Variants in SRRM4 observed in about 807,000 individuals in gnomAD.
SRRM4 encodes serine/arginine repetitive matrix protein 4.
A neutral mutation model predicts 68.9 loss-of-function variants in SRRM4; 33 were observed. The ratio of observed to expected loss-of-function variants is 0.48; its 90% CI spans 0.36 to 0.64. SRRM4 has a LOEUF of 0.64. SRRM4 is among the 30% of genes least tolerant of loss of function. The pLI is 0.00. For missense variants in SRRM4, 817 were observed against 827.1 expected (o/e 0.99, Z 0.15); for synonymous variants, 318 against 318.8 (o/e 1.00, Z 0.03).
chr12:119,021,669 T>C (rs543998621), intron 1 of SRRM4, among the ~76,000 whole-genome samples: 30 of 152,254 alleles, frequency 2.0e-4, no homozygotes, highest in African/African-American at 7.2e-4. Context: ...TTAGCAGAAA[T>C]AGATGTGCTT....
intron 1 of SRRM4, among the ~76,000 whole-genome samples, chr12:119,037,155 G>A (rs1192391723): frequency 6.6e-6 from 1 of 152,060 alleles, no homozygotes; most frequent in Non-Finnish European, 1.5e-5. Context: ...GGGTGGGTGG[G>A]TCTTGGTTTG....
At chr12:119,096,663 T>C (rs1025605438) in intron 1 of SRRM4, among the ~76,000 whole-genome samples, 2 of 152,226 alleles carry the variant, frequency 1.3e-5, no homozygotes, top group African/African-American at 4.8e-5. Context: ...GGGCCTCCCT[T>C]TCTCCACTCT....
chr12:119,130,634 G>A, intron 7 of SRRM4, 44 bp from the exon 8 acceptor site: 2 of 1,580,604 alleles, frequency 1.3e-6, no homozygotes, highest in Non-Finnish European at 8.6e-7. Flanking sequence ...TCCCTACCAT[G>A]CTCCCCTTCA....
chr12:119,035,141 A>T (rs1306349508), intron 1 of SRRM4, among the ~76,000 whole-genome samples: 1 of 151,874 alleles, frequency 6.6e-6, no homozygotes, highest in South Asian at 2.1e-4. Context: ...CCTTGCATTT[A>T]AAAAAAATTG....
intron 7 of SRRM4, among the ~76,000 whole-genome samples, chr12:119,126,898 T>C (rs991569969): frequency 6.7e-6 from 1 of 150,220 alleles, no homozygotes; most frequent in African/African-American, 2.5e-5. Context: ...GATGAGTTCA[T>C]GTCCTTTGTA....
intron 1 of SRRM4, among the ~76,000 whole-genome samples, chr12:119,011,557 T>C (rs943246221): frequency 3.3e-5 from 5 of 152,176 alleles, no homozygotes; most frequent in African/African-American, 1.2e-4. Flanking sequence ...CAGAAAAATC[T>C]GAAATGCTGA....
At chr12:119,049,746 C>T (rs969352874) in intron 1 of SRRM4, among the ~76,000 whole-genome samples, 2 of 152,142 alleles carry the variant, frequency 1.3e-5, no homozygotes, top group East Asian at 1.9e-4. Context: ...AAGGTGTCAG[C>T]AGGTTTGGTT....
chr12:119,087,182 C>G (rs1953984328), intron 1 of SRRM4, among the ~76,000 whole-genome samples: 2 of 152,178 alleles, frequency 1.3e-5, no homozygotes, highest in Non-Finnish European at 2.9e-5. Flanking sequence ...ATCATTGTAC[C>G]AGCCTCTAAT....
intron 1 of SRRM4, among the ~76,000 whole-genome samples, chr12:118,988,981 T>A (rs2135988393): frequency 1.3e-5 from 2 of 152,246 alleles, no homozygotes; most frequent in Middle Eastern, 6.8e-3. Flanking sequence ...GGATGCTTGG[T>A]GTATTTGAGA....
At chr12:119,075,929 G>A (rs147554891) in intron 1 of SRRM4, among the ~76,000 whole-genome samples, 15 of 77,826 alleles carry the variant, frequency 1.9e-4, no homozygotes, top group African/African-American at 5.4e-4. Flanking sequence ...GATGATGGTG[G>A]TGATGGTGAT....
At chr12:119,052,517 GTTGTT>G (rs147787123) in intron 1 of SRRM4, among the ~76,000 whole-genome samples, 5,669 of 151,912 alleles carry the variant, frequency 0.037, 192 homozygotes, top group East Asian at 0.12. Context: ...TGTTGTTGTT[GTTGTT>G]TTGTTTGTTT....
chr12:119,125,488 T>C lies in SRRM4; in HGVS notation c.614+9T>C, dbSNP rs773292153. ...TCAAGCTGTGAGAGCAGGTAACCCC[T>C]TGCCCCAGGATCCTCTTCTGTCAGC... is the stretch of plus-strand genomic sequence containing the variant. On this transcript the variant is annotated intron_variant, in intron 7 of 12. Transcript: ENST00000267260. 389 of 1,598,724 alleles carry C rather than the reference T, an allele frequency of 2.4e-4. 1 individual carries two copies. The highest frequency in any genetic ancestry group is 3.2e-4 in the Non-Finnish European group (371 of 1,170,822).
intron 4 of SRRM4, among the ~76,000 whole-genome samples, chr12:119,119,719 G>C (rs1236718502): frequency 6.6e-6 from 1 of 152,168 alleles, no homozygotes; most frequent in Non-Finnish European, 1.5e-5. Context: ...AGTTCCACAT[G>C]TGGAAGCTGG....
At chr12:119,151,729 C>A (rs1163488839) in intron 10 of SRRM4, among the ~76,000 whole-genome samples, 1 of 152,074 alleles carries the variant, frequency 6.6e-6, no homozygotes, top group Non-Finnish European at 1.5e-5. Flanking sequence ...GTTTGAAAGA[C>A]CCCAGCTGAC....
intron 2 of SRRM4, among the ~76,000 whole-genome samples, chr12:119,106,437 A>G (rs1403363274): frequency 6.6e-6 from 1 of 152,080 alleles, no homozygotes; most frequent in Non-Finnish European, 1.5e-5. Context: ...CTTCCTATCC[A>G]TGAGCATGGA....
chr12:119,069,914 T>C (rs1267862389), intron 1 of SRRM4, among the ~76,000 whole-genome samples: 1 of 152,028 alleles, frequency 6.6e-6, no homozygotes, highest in Non-Finnish European at 1.5e-5. Flanking sequence ...CAAAATTAAA[T>C]ACCTACCAGG....
chr12:119,123,187 T>C (rs113442727), intron 6 of SRRM4, among the ~76,000 whole-genome samples: 57 of 152,246 alleles, frequency 3.7e-4, no homozygotes, highest in African/African-American at 1.3e-3. Context: ...GTGCCCAGCT[T>C]TGCTGCCCCA....
intron 1 of SRRM4, among the ~76,000 whole-genome samples, chr12:118,983,841 TC>T (rs1328113569): frequency 6.6e-6 from 1 of 152,130 alleles, no homozygotes; most frequent in Non-Finnish European, 1.5e-5. Flanking sequence ...TCAACCCTCA[TC>T]CTTTCTGCAG....
intron 8 of SRRM4, among the ~76,000 whole-genome samples, chr12:119,135,167 G>A (rs1219657609): frequency 6.6e-6 from 1 of 152,130 alleles, no homozygotes; most frequent in Non-Finnish European, 1.5e-5. Flanking sequence ...TGGCATGGAG[G>A]GTGGGCTGGA....
Sources: allele counts gnomAD v4.1 joint callset (sites outside exome capture counted in the v4.1 genomes callset), GRCh38; gene constraint gnomAD v4.1.1; transcripts MANE v1.5; gene names NCBI Gene and HGNC (gene_info 2026-07-23, HGNC 2026-07-21).